TEX55: variants seen among roughly 807,000 people sequenced by gnomAD.
TEX55 encodes the protein testis-specific expressed protein 55.
TEX55 carries 31 observed loss-of-function variants against 44.6 expected under a neutral mutation model. The observed-to-expected ratio is 0.69, with a 90% CI of 0.52 to 0.94. The LOEUF (loss-of-function observed/expected upper bound fraction) is 0.94, where lower values mean the gene tolerates loss of function less well. TEX55 is among the 40% of genes least tolerant of loss of function. The pLI, the probability that TEX55 is intolerant of heterozygous loss-of-function variation, is 0.00. For missense variants in TEX55, 639 were observed against 638.4 expected (o/e 1.00, Z -0.01); for synonymous variants, 230 against 230.9 (o/e 1.00, Z 0.04).
At position 119,146,703 on chromosome 3, in the gene TEX55, C is replaced by A. The variant is rs749919052; in HGVS notation, c.514C>A (p.Gln172Lys). ...IDGRLAMPSD[Q>K]RGSRQTDHRM... ...TGGTAGACTGGCTATGCCATCTGAC[C>A]AGAGAGGTTCCAGACAGACCGACCA... Residue 172 changes from glutamine to lysine, a missense_variant, in exon 1 of 3, where the codon CAG becomes AAG. Transcript: ENST00000295622. 6.2e-7 allele frequency: 1 copy of A among 1,614,086 alleles called. No homozygotes were observed. The highest frequency in any genetic ancestry group is 8.5e-7 in the Non-Finnish European group (1 of 1,180,048).
intron 2 of TEX55, among the ~76,000 whole-genome samples, chr3:119,150,555 G>A (rs183957618): frequency 6.6e-6 from 1 of 152,150 alleles, no homozygotes; most frequent in African/African-American, 2.4e-5. Context: ...ACAAAAGTAT[G>A]AAGTGAATCT....
At position 119,146,670 on chromosome 3, in the gene TEX55, C is replaced by A; in HGVS notation, c.481C>A (p.Gln161Lys). Reference protein sequence around the residue: ...PTQAERRTSGQIDGRLAMPSD... With the variant: ...PTQAERRTSGKIDGRLAMPSD... ...CCAGGCTGAGAGAAGAACTTCTGGG[C>A]AGATTGATGGTAGACTGGCTATGCC... The change falls in exon 1 of 3, where the codon CAG becomes AAG. Residue 161 changes from glutamine (Q) to lysine (K), a missense_variant. Gln to Lys is a moderately conservative substitution (Grantham distance 53). Transcript: ENST00000295622. 1.9e-6 allele frequency: 3 copies of A among 1,614,196 alleles called. No individual in the cohort carries two copies. The highest frequency in any genetic ancestry group is 2.5e-6 in the Non-Finnish European group (3 of 1,180,048).
Position 119,146,447 on chromosome 3 carries a change from G to T in TEX55, c.258G>T (p.Gln86His), listed in dbSNP as rs377325773. ...AAAATGGGCATAGTACACCTGGTCA[G>T]GCTGGCCGCAGAGCATCCAACCCTG... ...AEQNGHSTPG[Q>H]AGRRASNPAD... Residue 86 changes from glutamine (Q) to histidine (H), a missense_variant, in exon 1 of 3, where the codon CAG becomes CAT. Gln to His is a conservative substitution (Grantham distance 24, BLOSUM62 0). Transcript: ENST00000295622. The T allele has an allele frequency of 3.1e-6, 5 of 1,614,022 alleles. No individual in the cohort carries two copies. Among genetic ancestry groups the T allele is most frequent in the African/African-American group, 1.3e-5 (1 of 74,916 alleles).
At position 119,146,197 on chromosome 3, in the gene TEX55, A is replaced by C; in HGVS notation, c.8A>C (p.Glu3Ala). ME[E>A]PPQEALAEPL... ...TCAGGGACGCGGCAGGAAATGGAAGAGCCTCCGCAAGAGGCTCTGGCTGAA... is the reference window on the plus strand; with the variant it reads ...TCAGGGACGCGGCAGGAAATGGAAGCGCCTCCGCAAGAGGCTCTGGCTGAA... The change falls in exon 1 of 3, where the codon GAG becomes GCG. Residue 3 changes from glutamate (E) to alanine (A), a missense_variant. Physicochemically the swap from Glu to Ala is moderately radical, Grantham distance 107. Coordinates refer to ENST00000295622, the MANE Select transcript of TEX55 (RefSeq NM_152539.3). The C allele has an allele frequency of 1.9e-6, 3 of 1,601,702 alleles. No homozygotes were observed. The highest frequency in any genetic ancestry group is 2.6e-6 in the Non-Finnish European group (3 of 1,176,036).
intron 2 of TEX55, 41 bp from the exon 3 acceptor site, chr3:119,151,183 G>T (rs768866157): frequency 2.3e-6 from 3 of 1,288,410 alleles, no homozygotes; most frequent in Non-Finnish European, 3.4e-6. Flanking sequence ...ACATAATTTT[G>T]CTCAGAACCA....
At chr3:119,147,612 C>T (rs2077740641) in intron 1 of TEX55, 25 bp downstream of exon 1, 1 of 1,582,628 alleles carries the variant, frequency 6.3e-7, no homozygotes, top group Admixed American at 1.7e-5. Context: ...CATTTGATAC[C>T]TACCTGGGAG....
Position 119,146,838 on chromosome 3 carries a change from C to G in TEX55, c.649C>G (p.Leu217Val). The change falls in exon 1 of 3, where the codon CTA becomes GTA. Residue 217 changes from leucine (L) to valine (V), a missense_variant. Transcript: ENST00000295622. ...SEQITHRLSK[L>V]SERRPSVQID... is the part of the protein sequence containing the mutation. ...GCAGATTACACACAGATTATCCAAA[C>G]TATCTGAGAGAAGACCTTCTGTGCA... 2 of 1,614,270 alleles carry G rather than the reference C, an allele frequency of 1.2e-6. No individual in the cohort carries two copies. The highest frequency in any genetic ancestry group is 1.7e-6 in the Non-Finnish European group (2 of 1,180,052).
In TEX55 at chr3:119,146,774, C is replaced by A. The variant is rs145664434; in HGVS notation, c.585C>A (p.Asp195Glu). Residue 195 changes from aspartate to glutamate, a missense_variant, in exon 1 of 3, where the codon GAC becomes GAA. Transcript: ENST00000295622. Reference protein sequence around the residue: ...QSERRASEQMDRRMSGEAERR... With the variant: ...QSERRASEQMERRMSGEAERR... ...AGAGAAGAGCTTCCGAGCAGATGGA[C>A]CGCAGAATGTCTGGCGAGGCTGAGC... The A allele has an allele frequency of 3.1e-4, 503 of 1,614,026 alleles. 3 individuals carry two copies. In the African/African-American group the frequency reaches 5.9e-3, roughly 19 times the overall value.
chr3:119,150,487 G>T (rs935360628), intron 2 of TEX55, among the ~76,000 whole-genome samples: 42 of 152,016 alleles, frequency 2.8e-4, no homozygotes, highest in African/African-American at 8.7e-4. Context: ...TGATTTTTAT[G>T]CCCTGCAAGT....
Position 119,146,667 on chromosome 3 carries a change from G to A in TEX55, c.478G>A (p.Gly160Arg). 3 of 1,614,220 alleles carry A rather than the reference G, an allele frequency of 1.9e-6. No homozygotes were observed. Among genetic ancestry groups the A allele is most frequent in the Non-Finnish European group, 2.5e-6 (3 of 1,180,042 alleles). ...TACCCAGGCTGAGAGAAGAACTTCT[G>A]GGCAGATTGATGGTAGACTGGCTAT... ...LPTQAERRTS[G>R]QIDGRLAMPS... Residue 160 changes from glycine to arginine, a missense_variant, in exon 1 of 3, where the codon GGG becomes AGG. Physicochemically the swap from Gly to Arg is moderately radical, Grantham distance 125 (BLOSUM62 -2). Coordinates refer to ENST00000295622, the MANE Select transcript of TEX55 (RefSeq NM_152539.3).
intron 1 of TEX55, 48 bp from the exon 2 acceptor site, chr3:119,148,132 C>G (rs1338292258): frequency 6.5e-7 from 1 of 1,532,554 alleles, no homozygotes; most frequent in East Asian, 2.3e-5. Flanking sequence ...AATTCCTAGG[C>G]CCTTCAGGTT....
rs1209470672 is a variant in TEX55 at position 119,146,582 on chromosome 3, T to C, written c.393T>C (p.Asp131=). Residue 131 remains aspartate (D), a synonymous_variant, in exon 1 of 3, where the codon GAT becomes GAC. Transcript: ENST00000295622. ...ATAATGTACAGCATGAACAGAGTGA[T>C]GGTCAGGTGTCTGGCCTGACGGAGG... ...QANNVQHEQS[D]GQVSGLTEER... is the part of the protein sequence containing the mutation. 1 of 1,614,026 alleles carries C rather than the reference T, an allele frequency of 6.2e-7. No individual in the cohort carries two copies. The highest frequency in any genetic ancestry group is 1.1e-5 in the South Asian group (1 of 91,086).
chr3:119,150,716 A>G (rs10934484), intron 2 of TEX55, among the ~76,000 whole-genome samples: 35,557 of 152,034 alleles, frequency 0.23, 5,091 homozygotes, highest in Middle Eastern at 0.38. Context: ...TGTTCTTCAA[A>G]GCAAATAATT....
rs866940755 is a variant in TEX55, at chr3:119,151,262, C to T, written c.1581C>T (p.Asp527=). 1 of 1,613,038 alleles carries T rather than the reference C, an allele frequency of 6.2e-7. No individual in the cohort carries two copies. The highest frequency in any genetic ancestry group is 1.7e-4 in the Middle Eastern group (1 of 6,058). ...ACTTAGTCTATGAAAAGCCAGAGGACCCCCTGAATTTTATGCTGTGCCAGG... is the reference window on the plus strand; with the variant it reads ...ACTTAGTCTATGAAAAGCCAGAGGATCCCCTGAATTTTATGCTGTGCCAGG... The part of the protein sequence containing the change: ...TENLVYEKPE[D]PLNFMLCQV The change falls in exon 3 of 3, where the codon GAC becomes GAT. Residue 527 remains aspartate (D), a synonymous_variant. Coordinates refer to ENST00000295622, the MANE Select transcript of TEX55 (RefSeq NM_152539.3).
intron 2 of TEX55, among the ~76,000 whole-genome samples, chr3:119,148,593 A>G (rs1289945619): frequency 6.6e-6 from 1 of 152,174 alleles, no homozygotes; most frequent in African/African-American, 2.4e-5. Context: ...AATATTATCA[A>G]TTGAAAAGAA....
At position 119,147,596 on chromosome 3, in the gene TEX55, A is replaced by G. The variant is rs762537004; in HGVS notation, c.1398+9A>G. ...CCATAGTAACCAAATCTGTAAGTTA[A>G]ATGGGCATTTGATACCTACCTGGGA... On this transcript the variant is annotated intron_variant, in intron 1 of 2. Transcript: ENST00000295622. 1.1e-5 allele frequency: 17 copies of G among 1,606,942 alleles called. No homozygotes were observed. The highest frequency in any genetic ancestry group is 1.4e-5 in the Non-Finnish European group (16 of 1,176,228).
At position 119,147,283 on chromosome 3, in the gene TEX55, C is replaced by T; in HGVS notation, c.1094C>T (p.Thr365Ile). ...NHKDQLSYYETRGQSEDRIFP... is the reference protein window; with the variant it reads ...NHKDQLSYYEIRGQSEDRIFP... The stretch of plus-strand genomic sequence containing the variant: ...AAAGACCAGCTGTCTTACTATGAAA[C>T]ACGTGGCCAGTCTGAAGACAGAATA... Residue 365 changes from threonine (T) to isoleucine (I), a missense_variant, in exon 1 of 3, where the codon ACA (threonine) becomes ATA (isoleucine). Transcript: ENST00000295622. 1 of 1,614,160 alleles carries T rather than the reference C, an allele frequency of 6.2e-7. No homozygotes were observed. The highest frequency in any genetic ancestry group is 8.5e-7 in the Non-Finnish European group (1 of 1,180,042).
chr3:119,147,735 T>G (rs1576851763), intron 1 of TEX55, 148 bp downstream of exon 1: 1 of 716,324 alleles, frequency 1.4e-6, no homozygotes, highest in East Asian at 2.7e-5. Flanking sequence ...TGACCCATAA[T>G]TTCAGGAAGG....
At chr3:119,147,778 T>C (rs1478957339) in intron 1 of TEX55, among the ~76,000 whole-genome samples, 191 bp downstream of exon 1, 1 of 152,178 alleles carries the variant, frequency 6.6e-6, no homozygotes, top group Non-Finnish European at 1.5e-5. Flanking sequence ...AAGAGAATTA[T>C]TGCCTTCTCT....
Sources: gnomAD v4.1 joint callset for allele counts (sites outside exome capture counted in the v4.1 genomes callset) on GRCh38, gnomAD v4.1.1 for gene constraint, MANE v1.5 for transcripts, NCBI Gene and HGNC (gene_info 2026-07-23, HGNC 2026-07-21) for gene names.